MYBBP1A: variants seen among roughly 807,000 people sequenced by gnomAD.
The protein encoded by MYBBP1A is myb-binding protein 1A.
In MYBBP1A, 147 loss-of-function variants were observed where a neutral mutation model predicts 136.3. That is an observed-to-expected ratio of 1.08 (90% confidence interval 0.94 to 1.24). The LOEUF (loss-of-function observed/expected upper bound fraction) is 1.24, where lower values mean the gene tolerates loss of function less well. Ranked by LOEUF, MYBBP1A falls within the 50% of genes most tolerant of loss-of-function variation. The pLI is 0.00. For missense variants in MYBBP1A, 2,060 were observed against 1,727.4 expected (o/e 1.19, Z -3.41); for synonymous variants, 947 against 735.8 (o/e 1.29, Z -4.65).
At chr17:4,546,912 C>CT (rs750174532) in intron 13 of MYBBP1A, among the ~76,000 whole-genome samples, 2,811 of 136,712 alleles carry the variant, frequency 0.021, 44 homozygotes, top group African/African-American at 0.038. Context: ...TGGGCTGCAC[C>CT]TTTTTTTTTT....
Position 4,544,779 on chromosome 17 carries a change from T to C in MYBBP1A, c.2453A>G (p.Lys818Arg), listed in dbSNP as rs745390185. Residue 818 changes from lysine (K) to arginine (R), a missense_variant, in exon 18 of 26, where the codon AAG (lysine) becomes AGG (arginine). Physicochemically the swap from Lys to Arg is conservative, Grantham distance 26. Coordinates refer to ENST00000254718, the MANE Select transcript of MYBBP1A (RefSeq NM_014520.4). ...GATCTGGAAGTCGCGCCGCAGAGCCTTCTCCTTCTGCAGCTTGTTCTTCTC... is the reference window on the plus strand; with the variant it reads ...GATCTGGAAGTCGCGCCGCAGAGCCCTCTCCTTCTGCAGCTTGTTCTTCTC... ...RDEKNKLQKE[K>R]ALRRDFQIRV... The C allele has an allele frequency of 3.8e-6, 6 of 1,592,124 alleles. No individual in the cohort carries two copies. The highest frequency in any genetic ancestry group is 1.7e-5 in the Admixed American group (1 of 58,108).
intron 2 of MYBBP1A, 31 bp downstream of exon 2, chr17:4,554,830 G>C (rs374927243): frequency 6.2e-7 from 1 of 1,606,370 alleles, no homozygotes; most frequent in Non-Finnish European, 8.5e-7. Context: ...TGACCTGGAT[G>C]GCTGGGACCC....
chr17:4,541,493 G>T lies in MYBBP1A; in HGVS notation c.3267C>A (p.Leu1089=). The T allele has an allele frequency of 6.2e-7, 1 of 1,613,506 alleles. No individual in the cohort carries two copies. ...GTTTGCAGGTCCTGAAGAGAACGTT[G>T]AGCAGCTCCAGGGAGGACAGTGCCT... ...HQQALSSLEL[L]NVLFRTCKHE... The change falls in exon 24 of 26, where the codon CTC becomes CTA. Residue 1089 remains leucine, a synonymous_variant. Coordinates refer to ENST00000254718, the MANE Select transcript of MYBBP1A (RefSeq NM_014520.4).
Position 4,552,116 on chromosome 17 carries a change from C to CG in MYBBP1A, c.905+8dup. On this transcript the variant is annotated intron_variant, in intron 7 of 25. Coordinates refer to ENST00000254718, the MANE Select transcript of MYBBP1A (RefSeq NM_014520.4). The surrounding 1 kb of genome is among the most constrained non-coding windows in gnomAD (Gnocchi z 4.7). ...AAGGGGGCCGAGAGAGGACACGCGT[C>CG]GCCCGCACCTGGCTGGCCAGAACTG... The CG allele has an allele frequency of 6.2e-7, 1 of 1,612,248 alleles. No homozygotes were observed. The highest frequency in any genetic ancestry group is 1.1e-5 in the South Asian group (1 of 90,840).
intron 16 of MYBBP1A, 35 bp downstream of exon 16, chr17:4,545,224 C>G (rs780941103): frequency 6.2e-7 from 1 of 1,612,828 alleles, no homozygotes; most frequent in East Asian, 2.2e-5. Context: ...TCGTCCCACT[C>G]CCCACCGCCC....
rs896824026 is a variant in MYBBP1A, at chr17:4,548,335, TCAG to T, written c.1557-28_1557-26del. 5.0e-6 allele frequency: 8 copies of T among 1,608,700 alleles called. No individual in the cohort carries two copies. Among genetic ancestry groups the T allele is most frequent in the Non-Finnish European group, 6.8e-6 (8 of 1,178,420 alleles). On this transcript the variant is annotated intron_variant, in intron 11 of 25. Transcript: ENST00000254718. This position sits in a 1 kb window ranked among gnomAD's most constrained non-coding sequence, Gnocchi z 4.2. ...ACTGGGCAAGGGATGGGGCTTGGGG[TCAG>T]CAGACCAGATGAGTCAATGTAGCCG... is the stretch of plus-strand genomic sequence containing the variant.
In MYBBP1A at chr17:4,542,521, C is replaced by T; in HGVS notation, c.3030G>A (p.Gln1010=). ...GCTGGACCAGGATGGGGAGCAGGCTCTGACAGAGCACCTGGTGGGGAGTGA... is the reference window on the plus strand; with the variant it reads ...GCTGGACCAGGATGGGGAGCAGGCTTTGACAGAGCACCTGGTGGGGAGTGA... The part of the protein sequence containing the change: ...SLFSRHPVLC[Q]SLLPILVQHI... Residue 1010 remains glutamine (Q), a synonymous_variant, in exon 22 of 26, where the codon CAG becomes CAA. Transcript: ENST00000254718. The T allele has an allele frequency of 6.2e-7, 1 of 1,612,696 alleles. No individual in the cohort carries two copies. Among genetic ancestry groups the T allele is most frequent in the Non-Finnish European group, 8.5e-7 (1 of 1,179,132 alleles).
At chr17:4,545,544 C>A in intron 15 of MYBBP1A, 66 bp downstream of exon 15, 2 of 1,530,552 alleles carry the variant, frequency 1.3e-6, no homozygotes, top group Non-Finnish European at 1.8e-6. Context: ...TGAAGCGGCA[C>A]CCCTGGTGCA....
In MYBBP1A at chr17:4,541,848, C is replaced by T. The variant is rs1363579884; in HGVS notation, c.3131G>A (p.Arg1044Lys). Residue 1044 changes from arginine (R) to lysine (K), a missense_variant, in exon 23 of 26, where the codon AGG (arginine) becomes AAG (lysine). Transcript: ENST00000254718. ...LQKTLSMREV[R>K]SCFEDPEWKQ... is the part of the protein sequence containing the mutation. ...CCACTCGGGGTCCTCAAAGCACGAC[C>T]TCACCTCCCGCATGGACAGGGTCTT... 3 of 1,613,952 alleles carry T rather than the reference C, an allele frequency of 1.9e-6. No homozygotes were observed. The highest frequency in any genetic ancestry group is 2.5e-6 in the Non-Finnish European group (3 of 1,180,032).
At chr17:4,554,651 G>A (rs1462666377) in intron 2 of MYBBP1A, among the ~76,000 whole-genome samples, 3 of 152,170 alleles carry the variant, frequency 2.0e-5, no homozygotes, top group Non-Finnish European at 4.4e-5. Context: ...GGCAACCCAA[G>A]CACCAAATAG....
intron 13 of MYBBP1A, among the ~76,000 whole-genome samples, chr17:4,547,464 G>A (rs115275361): frequency 1.3e-3 from 199 of 152,306 alleles, no homozygotes; most frequent in African/African-American, 4.2e-3. Flanking sequence ...GTGGCCAGAC[G>A]GGAGCAAGCA....
In MYBBP1A at chr17:4,553,813, G is replaced by A. The variant is rs201789450; in HGVS notation, c.558C>T (p.Ser186=). The A allele has an allele frequency of 2.9e-5, 46 of 1,613,672 alleles. No individual in the cohort carries two copies. The highest frequency in any genetic ancestry group is 3.3e-5 in the Admixed American group (2 of 59,996). ...CGCACAGCTGGGGAGCTCATACCTC[G>A]GAGAGGATGTCCACCAGGGCCTTCC... ...QPRKALVDIL[S]EVSKATLQEI... Residue 186 remains serine, a synonymous_variant, in exon 5 of 26, where the codon TCC becomes TCT. Transcript: ENST00000254718.
rs1907656921 is a variant in MYBBP1A at position 4,552,858 on chromosome 17, A to C, written c.562-232T>G. Among the ~76,000 whole-genome samples, 1 of 149,448 alleles carries C rather than the reference A, an allele frequency of 6.7e-6. No homozygotes were observed. Among genetic ancestry groups the C allele is most frequent in the Non-Finnish European group, 1.5e-5 (1 of 67,538 alleles). On this transcript the variant is annotated intron_variant, in intron 5 of 25. Transcript: ENST00000254718. The surrounding 1 kb of genome is among the most constrained non-coding windows in gnomAD (Gnocchi z 4.7). ...ACCCCTTATTTTTTTTTTTTAAGAC[A>C]GAGTCTCACTTTGCCACCCAGGCTG...
At chr17:4,542,233 G>C (rs1906500547) in intron 22 of MYBBP1A, 1 of 593,738 alleles carries the variant, frequency 1.7e-6, no homozygotes, top group Non-Finnish European at 2.9e-6. Context: ...GTGGCTGCGG[G>C]AGTGAGGCTG....
chr17:4,550,521 G>A (rs974164211), intron 8 of MYBBP1A, among the ~76,000 whole-genome samples, 168 bp from the exon 9 acceptor site: 2 of 152,250 alleles, frequency 1.3e-5, no homozygotes, highest in Admixed American at 6.5e-5. Flanking sequence ...ATCGAGCCCC[G>A]GCAATCTCCT....
chr17:4,544,593 G>T lies in MYBBP1A; in HGVS notation c.2535C>A (p.Val845=). ...TCAGCAGCGGCTCCAGCAGCTCCAG[G>T]ACCAGGGCATTCTCGGGCTGCTTGG... ...LVTKQPENAL[V]LELLEPLLSI... Residue 845 remains valine, a synonymous_variant, in exon 19 of 26, where the codon GTC becomes GTA. Coordinates refer to ENST00000254718, the MANE Select transcript of MYBBP1A (RefSeq NM_014520.4). 1 of 1,582,658 alleles carries T rather than the reference G, an allele frequency of 6.3e-7. No individual in the cohort carries two copies.
chr17:4,552,172 C>G lies in MYBBP1A; in HGVS notation c.858G>C (p.Lys286Asn). Residue 286 changes from lysine to asparagine, a missense_variant, in exon 7 of 26, where the codon AAG (lysine) becomes AAC (asparagine). Lys to Asn is a moderately conservative substitution (Grantham distance 94). Coordinates refer to ENST00000254718, the MANE Select transcript of MYBBP1A (RefSeq NM_014520.4). The surrounding 1 kb of genome is among the most constrained non-coding windows in gnomAD (Gnocchi z 4.7). Reference protein sequence around the residue: ...LKEDKFPRFWKEVVEQGLLKM... With the variant: ...LKEDKFPRFWNEVVEQGLLKM... Reference sequence around the variant, plus strand: ...TCAGCAGCCCTTGTTCCACCACCTCCTTCCAGAACCGTGGGAACTTGTCTT... The same window carrying G: ...TCAGCAGCCCTTGTTCCACCACCTCGTTCCAGAACCGTGGGAACTTGTCTT... 1 of 1,614,248 alleles carries G rather than the reference C, an allele frequency of 6.2e-7. No individual in the cohort carries two copies. The highest frequency in any genetic ancestry group is 1.1e-5 in the South Asian group (1 of 91,092).
rs763557800 is a variant in MYBBP1A, at chr17:4,554,766, GC to G, written c.294+94del. On this transcript the variant is annotated intron_variant, in intron 2 of 25. Coordinates refer to ENST00000254718, the MANE Select transcript of MYBBP1A (RefSeq NM_014520.4). Reference sequence around the variant, plus strand: ...CCACTCCCGACCTCTCTCTCGGGCTGCCCCTCCGCCACAGCTGAGACACCAC... The same window carrying G: ...CCACTCCCGACCTCTCTCTCGGGCTGCCCTCCGCCACAGCTGAGACACCAC... The G allele has an allele frequency of 1.9e-4, 227 of 1,212,516 alleles. 5 individuals are homozygous for G. In the Middle Eastern group the frequency reaches 2.7e-3, roughly 15 times the overall value. The allele number at this position is 1,212,516 out of a possible 1,614,324, so 75.1% of individuals were successfully genotyped here.
At chr17:4,549,466 ATGTG>A (rs1907312535) in intron 9 of MYBBP1A, 24 bp from the exon 10 acceptor site, 3 of 1,603,562 alleles carry the variant, frequency 1.9e-6, no homozygotes, top group Non-Finnish European at 1.7e-6. Context: ...AGGCGAGGTC[ATGTG>A]AGCCACTTAT....
Sources: allele counts gnomAD v4.1 joint callset (sites outside exome capture counted in the v4.1 genomes callset), GRCh38; gene constraint gnomAD v4.1.1; non-coding constraint Gnocchi (gnomAD v3.1); transcripts MANE v1.5; gene names NCBI Gene and HGNC (gene_info 2026-07-23, HGNC 2026-07-21).